The following MSR1 variants were observed in gnomAD, a reference collection of about 807,000 sequenced individuals.
The protein encoded by MSR1 is macrophage scavenger receptor types I and II.
MSR1 carries 53 observed loss-of-function variants against 47.2 expected under a neutral mutation model. The observed-to-expected ratio is 1.12, with a 90% CI of 0.90 to 1.41. The LOEUF (loss-of-function observed/expected upper bound fraction) is 1.41, where lower values mean the gene tolerates loss of function less well. MSR1 is among the 40% of genes most tolerant of loss of function. The pLI is 0.00. For missense variants in MSR1, 786 were observed against 546.9 expected (o/e 1.44, Z -4.36); for synonymous variants, 239 against 185.6 (o/e 1.29, Z -2.34).
At position 16,107,968 on chromosome 8, in the gene MSR1, C is replaced by G. The variant is rs1312245222; in HGVS notation, c.*2117G>C. The G allele has an allele frequency of 1.3e-5, 2 of 151,584 alleles. No individual in the cohort carries two copies. The highest frequency in any genetic ancestry group is 2.9e-5 in the Non-Finnish European group (2 of 67,850). 9.4% of individuals were successfully genotyped at this position (151,584 alleles called of 1,614,324 possible). A position where few individuals can be genotyped will look rare whatever the true frequency, so the allele number is the denominator to read the frequency against. ...CAATTTGTATTGGTGCTATTAGGTTCTTTTCTTGACTGGACTGAACTTAGT... is the reference window on the plus strand; with the variant it reads ...CAATTTGTATTGGTGCTATTAGGTTGTTTTCTTGACTGGACTGAACTTAGT... On this transcript the variant is annotated 3_prime_UTR_variant, in exon 10 of 10. Coordinates refer to ENST00000262101, the MANE Select transcript of MSR1 (RefSeq NM_138715.3).
At chr8:16,170,389 G>T (rs982553066) in intron 3 of MSR1, among the ~76,000 whole-genome samples, 2 of 151,700 alleles carry the variant, frequency 1.3e-5, no homozygotes, top group African/African-American at 4.8e-5. Flanking sequence ...AGAGAATGAG[G>T]AAAATGTTAA....
intron 9 of MSR1, among the ~76,000 whole-genome samples, chr8:16,114,820 T>C (rs1208588845): frequency 6.6e-6 from 1 of 152,142 alleles, no homozygotes; most frequent in African/African-American, 2.4e-5. Flanking sequence ...GAAAAAAATA[T>C]GTGGAGACTG....
chr8:16,173,079 A>G (rs910306184), intron 3 of MSR1, among the ~76,000 whole-genome samples: 18 of 152,210 alleles, frequency 1.2e-4, no homozygotes, highest in African/African-American at 4.3e-4. Context: ...ATTCTGGTGA[A>G]TCTGATACTG....
At position 16,141,233 on chromosome 8, in the gene MSR1, T is replaced by C. The variant is rs76261463; in HGVS notation, c.1033+2325A>G. ...ACAAGCTTTTAGCAGCCATTTACAA[T>C]AATTCATCAAATGGTAAAATGTATG... On this transcript the variant is annotated intron_variant, in intron 8 of 9. Coordinates refer to ENST00000262101, the MANE Select transcript of MSR1 (RefSeq NM_138715.3). 2.8e-3 allele frequency: 1,810 copies of C among 636,166 alleles called. 24 individuals carry two copies. The African/African-American group carries it at 0.03, about 10-fold the overall frequency. 39.4% of individuals were successfully genotyped at this position (636,166 alleles called of 1,614,324 possible).
At chr8:16,191,403 A>C (rs1016912745) in intron 1 of MSR1, among the ~76,000 whole-genome samples, 12 of 152,202 alleles carry the variant, frequency 7.9e-5, no homozygotes, top group African/African-American at 2.9e-4. Context: ...TAGATATGTA[A>C]AATATGATCA....
At chr8:16,129,010 A>G (rs1400503318) in intron 8 of MSR1, among the ~76,000 whole-genome samples, 12 of 152,084 alleles carry the variant, frequency 7.9e-5, no homozygotes, top group African/African-American at 2.7e-4. Context: ...TGCAACAGGG[A>G]AGAGTTCGAG....
chr8:16,120,432 G>T lies in MSR1; in HGVS notation c.1208C>A (p.Ala403Asp), dbSNP rs1799972881. ...YPGVQAVHKA[A>D]HFGQGTGPIW... ...CTTTAAATTACCTTGTCCAAAGTGAGCTGCCTTGTGCACGGCTTGAACACC... is the reference window on the plus strand; with the variant it reads ...CTTTAAATTACCTTGTCCAAAGTGATCTGCCTTGTGCACGGCTTGAACACC... Residue 403 changes from alanine to aspartate, a missense_variant, in exon 9 of 10, where the codon GCT becomes GAT. Transcript: ENST00000262101. 1 of 1,613,732 alleles carries T rather than the reference G, an allele frequency of 6.2e-7. No individual in the cohort carries two copies. The highest frequency in any genetic ancestry group is 8.5e-7 in the Non-Finnish European group (1 of 1,179,872).
At chr8:16,136,826 C>T (rs1343727581) in intron 8 of MSR1, among the ~76,000 whole-genome samples, 2 of 152,088 alleles carry the variant, frequency 1.3e-5, no homozygotes, top group Non-Finnish European at 2.9e-5. Flanking sequence ...TGGTCTCAAT[C>T]TCTTGACCTT....
chr8:16,151,951 A>G (rs1292223520), intron 6 of MSR1, among the ~76,000 whole-genome samples: 1 of 152,094 alleles, frequency 6.6e-6, no homozygotes, highest in East Asian at 1.9e-4. Context: ...CACCTGTAAA[A>G]TGGGTGTATT....
In MSR1 at chr8:16,189,431, C is replaced by CTT. The variant is rs1472474146; in HGVS notation, c.-5+3166_-5+3167insAA. On this transcript the variant is annotated intron_variant, in intron 1 of 9. Transcript: ENST00000262101. ...TATATATATTTTATATATATAAAATCATATTTTATATATATAAAATCTTAT... is the reference window on the plus strand; with the variant it reads ...TATATATATTTTATATATATAAAATCTTATATTTTATATATATAAAATCTTAT... Among the ~76,000 whole-genome samples the CTT allele has an allele frequency of 1.2e-4, 8 of 67,418 alleles. No individual in the cohort carries two copies. The South Asian group carries it at 2.6e-3, about 22-fold the overall frequency. 44.2% of individuals were successfully genotyped at this position (67,418 alleles called of 152,430 possible). A position where few individuals can be genotyped will look rare whatever the true frequency, so the allele number is the denominator to read the frequency against.
chr8:16,186,011 C>T (rs1476249866), intron 1 of MSR1: 1 of 662,602 alleles, frequency 1.5e-6, no homozygotes, highest in African/African-American at 1.8e-5. Context: ...AAGTTCGTGG[C>T]CTGCAAGAAA....
chr8:16,109,932 G>T lies in MSR1; in HGVS notation c.*153C>A. On this transcript the variant is annotated 3_prime_UTR_variant, in exon 10 of 10. Transcript: ENST00000262101. ...AATATAGACATAAAATAGTAAGCAT[G>T]AAGGTGTTCAATATATTAATCCTGT... 3.6e-6 allele frequency: 3 copies of T among 836,220 alleles called. No homozygotes were observed. Among genetic ancestry groups the T allele is most frequent in the East Asian group, 2.7e-5 (1 of 37,398 alleles). 51.8% of individuals were successfully genotyped at this position (836,220 alleles called of 1,614,324 possible).
rs187767057 is a variant in MSR1 at position 16,122,648 on chromosome 8, C to T, written c.1034-2042G>A. On this transcript the variant is annotated intron_variant, in intron 8 of 9. Coordinates refer to ENST00000262101, the MANE Select transcript of MSR1 (RefSeq NM_138715.3). The stretch of plus-strand genomic sequence containing the variant: ...GCTAATTCTGTTGGTCCAGGGACCA[C>T]ACTTTGAGAACCACTAACCTAGATG... 1.4e-3 allele frequency among the ~76,000 whole-genome samples: 206 copies of T among 152,092 alleles called. 3 individuals are homozygous for T. Among genetic ancestry groups the T allele is most frequent in the African/African-American group, 4.9e-3 (205 of 41,492 alleles).
At chr8:16,112,790 G>A (rs1397536799) in intron 9 of MSR1, among the ~76,000 whole-genome samples, 2 of 151,594 alleles carry the variant, frequency 1.3e-5, no homozygotes, top group African/African-American at 4.8e-5. Flanking sequence ...AAAATTACGT[G>A]TGTTTCTTAG....
chr8:16,131,183 C>T (rs1554464293), intron 8 of MSR1, among the ~76,000 whole-genome samples: 2 of 152,142 alleles, frequency 1.3e-5, no homozygotes, highest in Non-Finnish European at 2.9e-5. Context: ...GCCATTCTGA[C>T]AGGTGTGAGG....
At chr8:16,160,021 G>A (rs1283384450) in intron 5 of MSR1, among the ~76,000 whole-genome samples, 1 of 151,966 alleles carries the variant, frequency 6.6e-6, no homozygotes, top group Non-Finnish European at 1.5e-5. Context: ...AAAAAGACAA[G>A]CGAGGGAATG....
At chr8:16,131,949 G>T (rs1287444294) in intron 8 of MSR1, among the ~76,000 whole-genome samples, 1 of 150,924 alleles carries the variant, frequency 6.6e-6, no homozygotes, top group Non-Finnish European at 1.5e-5. Context: ...CTTAAAATTG[G>T]CTTGGCTCTT....
Position 16,108,244 on chromosome 8 carries a change from G to C in MSR1, c.*1841C>G, listed in dbSNP as rs1255433791. On this transcript the variant is annotated 3_prime_UTR_variant, in exon 10 of 10. Coordinates refer to ENST00000262101, the MANE Select transcript of MSR1 (RefSeq NM_138715.3). ...GCAATAGTACTATTATTATTTTAAA[G>C]GTAAATTTTATTTTAAAATAAAAAT... 1 of 149,494 alleles carries C rather than the reference G, an allele frequency of 6.7e-6. No homozygotes were observed. The highest frequency in any genetic ancestry group is 2.1e-4 in the South Asian group (1 of 4,748). 9.3% of individuals were successfully genotyped at this position (149,494 alleles called of 1,614,324 possible). A position where few individuals can be genotyped will look rare whatever the true frequency, so the allele number is the denominator to read the frequency against.
chr8:16,190,563 C>T (rs1269616980), intron 1 of MSR1, among the ~76,000 whole-genome samples: 1 of 152,088 alleles, frequency 6.6e-6, no homozygotes, highest in Non-Finnish European at 1.5e-5. Context: ...TTCATATTCA[C>T]TGCTTATACA....
Sources: allele counts gnomAD v4.1 joint callset (sites outside exome capture counted in the v4.1 genomes callset), GRCh38; gene constraint gnomAD v4.1.1; transcripts MANE v1.5; gene names NCBI Gene and HGNC (gene_info 2026-07-23, HGNC 2026-07-21).